ZNF74: variants seen among roughly 807,000 people sequenced by gnomAD.
The protein encoded by ZNF74 is zinc finger protein 520.
Under a neutral mutation model 17.7 loss-of-function variants are expected in ZNF74, and 12 were observed. That is an observed-to-expected ratio of 0.68 (90% CI 0.43 to 1.10). The LOEUF (loss-of-function observed/expected upper bound fraction) is 1.10. ZNF74 is among the 50% of genes least tolerant of loss of function. The pLI, the probability that ZNF74 is intolerant of heterozygous loss-of-function variation, is 0.00. For synonymous variants in ZNF74, 358 were observed against 362.1 expected (o/e 0.99, Z 0.13); for missense variants, 811 against 881.0 (o/e 0.92, Z 1.01).
intron 2 of ZNF74, among the ~76,000 whole-genome samples, chr22:20,396,898 T>C (rs868275744): frequency 6.6e-6 from 1 of 152,116 alleles, no homozygotes; most frequent in East Asian, 1.9e-4. Flanking sequence ...GATGACACAT[T>C]AGACATGGAC....
At chr22:20,404,559 G>A (rs577024738) in intron 4 of ZNF74, among the ~76,000 whole-genome samples, 1 of 152,058 alleles carries the variant, frequency 6.6e-6, no homozygotes, top group African/African-American at 2.4e-5. Context: ...GGGCTCAAGT[G>A]ATCCGCCACC....
At chr22:20,397,375 G>T (rs2052306994) in intron 2 of ZNF74, among the ~76,000 whole-genome samples, 1 of 152,144 alleles carries the variant, frequency 6.6e-6, no homozygotes, top group South Asian at 2.1e-4. Flanking sequence ...GTGTTTTGGG[G>T]GGTAAGGTTT....
chr22:20,399,794 A>G (rs2146093583), intron 2 of ZNF74: 1 of 201,138 alleles, frequency 5.0e-6, no homozygotes, highest in South Asian at 6.4e-5. Context: ...TTTGTTTCTC[A>G]TTTCCTCCCT....
In ZNF74 at chr22:20,406,537, T is replaced by A. The variant is rs1400904167; in HGVS notation, c.1504T>A (p.Cys502Ser). 12 of 1,614,160 alleles carry A rather than the reference T, an allele frequency of 7.4e-6. No individual in the cohort carries two copies. The South Asian group carries it at 1.3e-4, about 18-fold the overall frequency. ...CCACACAGGCGAGAAGCCCTTCGAC[T>A]GCAGCCAGTGTTGGAAGGCCTTCAG... Reference protein sequence around the residue: ...RIHTGEKPFDCSQCWKAFSCH... With the variant: ...RIHTGEKPFDSSQCWKAFSCH... Residue 502 changes from cysteine (C) to serine (S), a missense_variant, in exon 5 of 5, where the codon TGC becomes AGC. By Grantham distance (112) the Cys-to-Ser change is moderately radical (BLOSUM62 -1). This residue lies in a region of ZNF74 where 666 missense variants were observed against 702.3 expected (regional missense o/e 0.95). Transcript: ENST00000400451.
Position 20,401,348 on chromosome 22 carries a change from G to C in ZNF74, c.319G>C (p.Glu107Gln), listed in dbSNP as rs776896968. ...CGAGGAGCCATGGAGCATGCAGAGG[G>C]AAGTCCCCAGAGGGCCCTGTCCAGG... ...RGEEPWSMQR[E>Q]VPRGPCPEWE... The change falls in exon 4 of 5, where the codon GAA becomes CAA. Residue 107 changes from glutamate to glutamine, a missense_variant. Around this residue, in one of 3 missense-constraint regions of ZNF74, gnomAD observed 666 missense variants for 702.3 expected, o/e 0.95. Coordinates refer to ENST00000400451, the MANE Select transcript of ZNF74 (RefSeq NM_003426.4). The surrounding 1 kb of genome is among the most constrained non-coding windows in gnomAD (Gnocchi z 4.2). 6.2e-7 allele frequency: 1 copy of C among 1,609,096 alleles called. No individual in the cohort carries two copies. Among genetic ancestry groups the C allele is most frequent in the Non-Finnish European group, 8.5e-7 (1 of 1,177,688 alleles).
chr22:20,405,534 A>C lies in ZNF74; in HGVS notation c.501A>C (p.Ala167=), dbSNP rs747116646. Residue 167 remains alanine, a synonymous_variant, in exon 5 of 5, where the codon GCA becomes GCC. Transcript: ENST00000400451. ...QRSQAAPWAP[A]PAMVWDVPVE... is the part of the protein sequence containing the mutation. ...GTCAGGCTGCGCCCTGGGCGCCCGC[A>C]CCTGCCATGGTCTGGGACGTCCCTG... The C allele has an allele frequency of 3.7e-6, 6 of 1,602,980 alleles. No individual in the cohort carries two copies. The highest frequency in any genetic ancestry group is 2.6e-6 in the Non-Finnish European group (3 of 1,175,010).
rs572546166 is a variant in ZNF74, at chr22:20,405,634, C to T, written c.601C>T (p.Arg201Cys). 16 of 1,612,972 alleles carry T rather than the reference C, an allele frequency of 9.9e-6. No homozygotes were observed. Among genetic ancestry groups the T allele is most frequent in the Non-Finnish European group, 1.4e-5 (16 of 1,179,586 alleles). ...CGAGGGGGGACCCTTGCTGGACACACGCAAGAACGTCCAGGCCACTGAGGG... is the reference window on the plus strand; with the variant it reads ...CGAGGGGGGACCCTTGCTGGACACATGCAAGAACGTCCAGGCCACTGAGGG... ...VPEGGPLLDT[R>C]KNVQATEGRT... The change falls in exon 5 of 5, where the codon CGC (arginine) becomes TGC (cysteine). Residue 201 changes from arginine (R) to cysteine (C), a missense_variant. Arg to Cys is a radical substitution (Grantham distance 180). Around this residue, in one of 3 missense-constraint regions of ZNF74, gnomAD observed 666 missense variants for 702.3 expected, o/e 0.95. Coordinates refer to ENST00000400451, the MANE Select transcript of ZNF74 (RefSeq NM_003426.4).
chr22:20,405,666 C>T lies in ZNF74; in HGVS notation c.633C>T (p.Thr211=). ...ACGTCCAGGCCACTGAGGGCAGAACCAAGGCCCCCGCGAGACTGTGTGCAG... is the reference window on the plus strand; with the variant it reads ...ACGTCCAGGCCACTGAGGGCAGAACTAAGGCCCCCGCGAGACTGTGTGCAG... ...RKNVQATEGR[T]KAPARLCAGE... The change falls in exon 5 of 5, where the codon ACC becomes ACT. Residue 211 remains threonine (T), a synonymous_variant. Coordinates refer to ENST00000400451, the MANE Select transcript of ZNF74 (RefSeq NM_003426.4). 6.2e-7 allele frequency: 1 copy of T among 1,611,878 alleles called. No individual in the cohort carries two copies. The highest frequency in any genetic ancestry group is 1.1e-5 in the South Asian group (1 of 90,840).
At chr22:20,403,936 C>G (rs1467563291) in intron 4 of ZNF74, among the ~76,000 whole-genome samples, 16 of 152,206 alleles carry the variant, frequency 1.1e-4, no homozygotes, top group Admixed American at 1.0e-3. Context: ...CGTGTCTTGT[C>G]TTCATCTTAC....
At chr22:20,397,901 A>C (rs907139243) in intron 2 of ZNF74, among the ~76,000 whole-genome samples, 1 of 152,132 alleles carries the variant, frequency 6.6e-6, no homozygotes. Context: ...TTTTCCCCGC[A>C]TCTTCACATG....
chr22:20,401,050 A>G lies in ZNF74; in HGVS notation c.248-227A>G, dbSNP rs6004920. Reference sequence around the variant, plus strand: ...CCTGGAGCCCAGCTGGCTCTGGAACAGTCCTCAAGCAATGAAGTAAGGACG... The same window carrying G: ...CCTGGAGCCCAGCTGGCTCTGGAACGGTCCTCAAGCAATGAAGTAAGGACG... On this transcript the variant is annotated intron_variant, in intron 3 of 4. Transcript: ENST00000400451. The surrounding 1 kb of genome is among the most constrained non-coding windows in gnomAD (Gnocchi z 4.2). 187,535 of 591,300 alleles carry G rather than the reference A, an allele frequency of 0.32. 33,684 individuals carry two copies. Among genetic ancestry groups the G allele is most frequent in the African/African-American group, 0.62 (32,997 of 53,566 alleles). 36.6% of individuals were successfully genotyped at this position (591,300 alleles called of 1,614,324 possible).
rs1381553729 is a variant in ZNF74, at chr22:20,406,803, A to G, written c.1770A>G (p.Lys590=). The change falls in exon 5 of 5, where the codon AAA becomes AAG. Residue 590 remains lysine (K), a synonymous_variant. Coordinates refer to ENST00000400451, the MANE Select transcript of ZNF74 (RefSeq NM_003426.4). The stretch of plus-strand genomic sequence containing the variant: ...AGCCCTTGGCCATCCAGTTCAACAA[A>G]CACCTGCTCAGCACATACTACGTGC... ...EGKPLAIQFN[K]HLLSTYYVPG... 1.2e-6 allele frequency: 2 copies of G among 1,614,014 alleles called. No homozygotes were observed. The highest frequency in any genetic ancestry group is 1.7e-6 in the Non-Finnish European group (2 of 1,180,036).
chr22:20,401,476 C>T lies in ZNF74; in HGVS notation c.343+104C>T, dbSNP rs2052356636. ...CCTCAGTTTGCCCCGGCTCCATCTC[C>T]CCTTTTCAGGTCCCCCGCCAGACCC... On this transcript the variant is annotated intron_variant, in intron 4 of 4. Transcript: ENST00000400451. The surrounding 1 kb of genome is among the most constrained non-coding windows in gnomAD (Gnocchi z 4.2). 1 of 751,988 alleles carries T rather than the reference C, an allele frequency of 1.3e-6. No individual in the cohort carries two copies. The highest frequency in any genetic ancestry group is 2.7e-5 in the East Asian group (1 of 37,198). 46.6% of individuals were successfully genotyped at this position (751,988 alleles called of 1,614,324 possible).
chr22:20,397,201 T>G (rs546413932), intron 2 of ZNF74, among the ~76,000 whole-genome samples: 1 of 152,056 alleles, frequency 6.6e-6, no homozygotes, highest in East Asian at 1.9e-4. Flanking sequence ...CTCGGCCTCC[T>G]AAGTAGTTGG....
intron 3 of ZNF74, 136 bp downstream of exon 3, chr22:20,400,894 G>A: frequency 9.0e-7 from 1 of 1,106,600 alleles, no homozygotes. Flanking sequence ...TGTGCCTTGG[G>A]GCACTCATGG....
chr22:20,394,568 G>T lies in ZNF74; in HGVS notation c.-61G>T. On this transcript the variant is annotated 5_prime_UTR_variant, in exon 1 of 5. Coordinates refer to ENST00000400451, the MANE Select transcript of ZNF74 (RefSeq NM_003426.4). The stretch of plus-strand genomic sequence containing the variant: ...GAGCAGTACTCGCTCTTCAGGGCCT[G>T]CCCTGGATCCTGGAGGCTACACAGC... The T allele has an allele frequency of 1.3e-6, 2 of 1,588,738 alleles. No homozygotes were observed. The highest frequency in any genetic ancestry group is 1.7e-6 in the Non-Finnish European group (2 of 1,157,194).
Position 20,406,151 on chromosome 22 carries a change from C to T in ZNF74, c.1118C>T (p.Thr373Ile). The part of the protein sequence containing the change: ...GECGKAFNQR[T>I]HLTRHHRIHT... Reference sequence around the variant, plus strand: ...TGCGGCAAGGCCTTCAACCAGCGTACACACCTCACACGCCACCACCGCATC... The same window carrying T: ...TGCGGCAAGGCCTTCAACCAGCGTATACACCTCACACGCCACCACCGCATC... The change falls in exon 5 of 5, where the codon ACA becomes ATA. Residue 373 changes from threonine (T) to isoleucine (I), a missense_variant. By Grantham distance (89) the Thr-to-Ile change is moderately conservative. Coordinates refer to ENST00000400451, the MANE Select transcript of ZNF74 (RefSeq NM_003426.4). 6.2e-7 allele frequency: 1 copy of T among 1,612,102 alleles called. No individual in the cohort carries two copies. Among genetic ancestry groups the T allele is most frequent in the Non-Finnish European group, 8.5e-7 (1 of 1,179,364 alleles).
chr22:20,398,303 T>G (rs2052318407), intron 2 of ZNF74, among the ~76,000 whole-genome samples: 1 of 140,882 alleles, frequency 7.1e-6, no homozygotes. Flanking sequence ...GGTGACAGAG[T>G]GAGACCATGT....
intron 4 of ZNF74, among the ~76,000 whole-genome samples, chr22:20,403,502 C>T (rs191369107): frequency 3.4e-4 from 52 of 152,038 alleles, no homozygotes; most frequent in African/African-American, 1.2e-3. Flanking sequence ...AGCCTTGGTT[C>T]CAGTCTGAAG....
Sources: gnomAD v4.1 joint callset for allele counts (sites outside exome capture counted in the v4.1 genomes callset) on GRCh38, gnomAD v4.1.1 for gene constraint, gnomAD v4.1.1 regional missense constraint, Gnocchi (gnomAD v3.1) non-coding constraint, MANE v1.5 for transcripts, NCBI Gene and HGNC (gene_info 2026-07-23, HGNC 2026-07-21) for gene names.